Variants in MTERF4 observed in about 807,000 individuals in gnomAD.
The protein encoded by MTERF4 is mitochondrial transcription termination factor 4, also known as transcription termination factor 4, mitochondrial.
A neutral mutation model predicts 22.5 loss-of-function variants in MTERF4; 17 were observed. The observed-to-expected ratio is 0.75, with a 90% CI of 0.52 to 1.13. The LOEUF is 1.13. MTERF4 is among the 50% of genes most tolerant of loss of function. MTERF4 has a pLI of 0.00. For synonymous variants in MTERF4, 165 were observed against 175.3 expected, an observed-to-expected ratio of 0.94 and a Z score of 0.47; for missense variants, 420 against 466.8, an observed-to-expected ratio of 0.90 and a Z score of 0.92.
At chr2:241,057,380 A>AAAAAAAAAAAATATATATATATATAT in the MTERF4 span, among the ~76,000 whole-genome samples, 1 of 118,132 alleles carries the variant, frequency 8.5e-6, no homozygotes, top group African/African-American at 3.8e-5. Context: ...TCCATCTCAA[A>AAAAAAAAAAAATATATATATATATAT]ATATATATAT....
downstream of MTERF4, chr2:241,093,979 C>G (rs78834190): frequency 1.5e-5 from 3 of 200,030 alleles, no homozygotes; most frequent in Non-Finnish European, 3.1e-5. Flanking sequence ...ATCATCTAAC[C>G]AAGTGCAGAC....
In MTERF4 at chr2:241,077,530, C is replaced by T. The variant is rs563995139; in HGVS notation, n.480-1848G>A. Among the ~76,000 whole-genome samples, 296 of 152,156 alleles carry T rather than the reference C, an allele frequency of 1.9e-3. 7 individuals carry two copies. The South Asian group carries it at 0.057, about 29-fold the overall frequency. On this transcript the variant is annotated intron_variant and non_coding_transcript_variant, in intron 4 of 4. Coordinates refer to the MTERF4 transcript ENST00000464344. ...TGCAAATCATACCTGATCAGAGACC[C>T]GCGTCTAAAATAAAGAGCTCTGACA...
At chr2:241,061,236 A>G in the MTERF4 span, among the ~76,000 whole-genome samples, 11 of 152,238 alleles carry the variant, frequency 7.2e-5, no homozygotes, top group Non-Finnish European at 1.2e-4. Flanking sequence ...TCATGGAAGA[A>G]GAGATACAAA....
intron 4 of MTERF4, among the ~76,000 whole-genome samples, chr2:241,080,468 G>A (rs978224719): frequency 1.3e-5 from 2 of 152,162 alleles, no homozygotes; most frequent in African/African-American, 4.8e-5. Context: ...GTGGGCTCTA[G>A]ATCTCGTTCT....
rs1370891321 is a variant in MTERF4, at chr2:241,097,273, C to G, written c.675G>C (p.Glu225Asp). Residue 225 changes from glutamate (E) to aspartate (D), a missense_variant, in exon 3 of 4, where the codon GAG becomes GAC. By Grantham distance (45) the Glu-to-Asp change is conservative. Transcript: ENST00000391980. ...ACTTGTATTCCAGTTGACCCAGGTC[C>G]TCTCGAAGAACAGAGGGGCAACTGT... ...ILHSCPSVLREDLGQLEYKFQ... is the reference protein window; with the variant it reads ...ILHSCPSVLRDDLGQLEYKFQ... The G allele has an allele frequency of 6.2e-7, 1 of 1,614,082 alleles. No individual in the cohort carries two copies. Among genetic ancestry groups the G allele is most frequent in the Non-Finnish European group, 8.5e-7 (1 of 1,179,998 alleles).
At chr2:241,085,952 C>T (rs774726495), downstream of MTERF4, among the ~76,000 whole-genome samples, 4 of 150,752 alleles carry the variant, frequency 2.7e-5, no homozygotes, top group Admixed American at 1.3e-4. Context: ...CTACAACCTC[C>T]GCCCTCCTGG....
At chr2:241,071,463 C>G (rs1410824361), downstream of MTERF4, 2 of 1,277,316 alleles carry the variant, frequency 1.6e-6, no homozygotes, top group East Asian at 5.1e-5. Flanking sequence ...CACATGCCCC[C>G]CTTCCCTTCT....
At chr2:241,094,593 T>A, downstream of MTERF4, 1 of 353,662 alleles carries the variant, frequency 2.8e-6, no homozygotes, top group Non-Finnish European at 5.6e-6. The surrounding 1 kb of genome is among the most constrained non-coding windows in gnomAD (Gnocchi z 4.3). Context: ...CTAAGTCCAT[T>A]TACCATCTGA....
chr2:241,090,868 C>CAA (rs371271027), downstream of MTERF4, among the ~76,000 whole-genome samples: 21 of 100,772 alleles, frequency 2.1e-4, no homozygotes, highest in East Asian at 1.3e-3. Context: ...CCCTCTGTCT[C>CAA]AAAAAAAAAA....
At chr2:241,068,883 TTCTC>T (rs1399588585), downstream of MTERF4, 1 of 1,475,438 alleles carries the variant, frequency 6.8e-7, no homozygotes, top group Non-Finnish European at 9.2e-7. This position sits in a 1 kb window ranked among gnomAD's most constrained non-coding sequence, Gnocchi z 5.3. Context: ...GACATCCCTG[TTCTC>T]TCTTTGTCAC....
chr2:241,063,935 C>T, the MTERF4 span: 4 of 1,144,328 alleles, frequency 3.5e-6, no homozygotes, highest in African/African-American at 4.6e-5. Flanking sequence ...CCTCCTTTCC[C>T]TTCTTCCCGC....
the MTERF4 span, chr2:241,064,797 AC>A: frequency 7.4e-7 from 1 of 1,357,174 alleles, no homozygotes; most frequent in South Asian, 1.4e-5. This position sits in a 1 kb window ranked among gnomAD's most constrained non-coding sequence, Gnocchi z 7.0. Flanking sequence ...TGGAGCAGGG[AC>A]CCCTGGCCAC....
At chr2:241,091,951 G>A (rs539015145), downstream of MTERF4, 4 of 152,382 alleles carry the variant, frequency 2.6e-5, no homozygotes, top group South Asian at 2.1e-4. This position sits in a 1 kb window ranked among gnomAD's most constrained non-coding sequence, Gnocchi z 4.1. Flanking sequence ...ATGACAGCTC[G>A]CCATTCCCCG....
chr2:241,073,861 C>T lies in MTERF4; in HGVS notation n.2301G>A, dbSNP rs143927985. The T allele has an allele frequency of 4.1e-3, 760 of 183,918 alleles. 3 individuals are homozygous for T. The highest frequency in any genetic ancestry group is 0.016 in the African/African-American group (698 of 42,798). 11.4% of individuals were successfully genotyped at this position (183,918 alleles called of 1,614,324 possible). A position where few individuals can be genotyped will look rare whatever the true frequency, so the allele number is the denominator to read the frequency against. ...TGTCTCCTAGTCCGGGGCTCTGCCT[C>T]GTGAGGATCGAGGCCAGCACGTCCC... On this transcript the variant is annotated non_coding_transcript_exon_variant, in exon 5 of 5. Coordinates refer to the MTERF4 transcript ENST00000464344. The surrounding 1 kb of genome is among the most constrained non-coding windows in gnomAD (Gnocchi z 6.6).
At chr2:241,048,394 C>T in the MTERF4 span, 4 of 1,611,756 alleles carry the variant, frequency 2.5e-6, no homozygotes, top group East Asian at 2.2e-5. Flanking sequence ...ACCAGGGCTA[C>T]GTGTGCGAGT....
downstream of MTERF4, chr2:241,071,718 C>CCCCCGGAAA: frequency 3.3e-6 from 5 of 1,503,612 alleles, no homozygotes; most frequent in African/African-American, 1.4e-5. Context: ...CCCAGCCCCC[C>CCCCCGGAAA]AGGTACATGC....
chr2:241,060,943 CAAAA>C, the MTERF4 span, among the ~76,000 whole-genome samples: 1 of 151,206 alleles, frequency 6.6e-6, no homozygotes, highest in African/African-American at 2.4e-5. Context: ...AAAAAACAAC[CAAAA>C]AAAACTATAT....
At chr2:241,087,437 G>A, downstream of MTERF4, 1 of 1,604,550 alleles carries the variant, frequency 6.2e-7, no homozygotes, top group South Asian at 1.1e-5. Context: ...GCTTCAAAGA[G>A]AGCTGTGAAA....
chr2:241,067,978 G>C, downstream of MTERF4: 1 of 1,588,274 alleles, frequency 6.3e-7, no homozygotes. Context: ...CATGGGGCTG[G>C]GGTGAAGGCA....
Sources: allele counts gnomAD v4.1 joint callset (sites outside exome capture counted in the v4.1 genomes callset), GRCh38; gene constraint gnomAD v4.1.1; non-coding constraint Gnocchi (gnomAD v3.1); transcripts MANE v1.5; gene names NCBI Gene and HGNC (gene_info 2026-07-23, HGNC 2026-07-21).